Variants in NKAIN2 observed in about 807,000 individuals in gnomAD.
NKAIN2 encodes the protein sodium/potassium-transporting ATPase subunit beta-1-interacting protein 2.
In NKAIN2, 14 loss-of-function variants were observed where a neutral mutation model predicts 32.6. The ratio of observed to expected loss-of-function variants is 0.43; its 90% CI spans 0.28 to 0.67. The LOEUF is 0.67. Among genes scored for constraint, NKAIN2 ranks in the 30% least tolerant of loss-of-function variants. The pLI, the probability that NKAIN2 is intolerant of heterozygous loss-of-function variation, is 0.17. For synonymous variants in NKAIN2, 80 were observed against 87.2 expected (o/e 0.92, Z 0.46); for missense variants, 198 against 258.3 (o/e 0.77, Z 1.60).
intron 3 of NKAIN2, among the ~76,000 whole-genome samples, chr6:124,638,617 C>T (rs527280806): frequency 1.3e-5 from 2 of 152,006 alleles, no homozygotes; most frequent in African/African-American, 4.8e-5. Context: ...CAAAGAGGGC[C>T]GGGCGCGGTG....
chr6:124,524,262 A>G (rs561611093), intron 3 of NKAIN2, among the ~76,000 whole-genome samples: 1 of 152,304 alleles, frequency 6.6e-6, no homozygotes, highest in South Asian at 2.1e-4. Context: ...ATGTTATAGT[A>G]TGTTTATTGT....
chr6:124,293,091 C>T (rs1400778115), intron 2 of NKAIN2, among the ~76,000 whole-genome samples: 1 of 152,062 alleles, frequency 6.6e-6, no homozygotes, highest in Non-Finnish European at 1.5e-5. Context: ...TAGCAGTCTG[C>T]TTACTGTGTT....
intron 1 of NKAIN2, among the ~76,000 whole-genome samples, chr6:124,058,315 G>A (rs1263524127): frequency 6.6e-6 from 1 of 151,438 alleles, no homozygotes; most frequent in African/African-American, 2.4e-5. Flanking sequence ...AGAAAGAAAG[G>A]CTAAAAATAT....
At chr6:124,676,726 A>C (rs1773375413) in intron 4 of NKAIN2, among the ~76,000 whole-genome samples, 2 of 152,108 alleles carry the variant, frequency 1.3e-5, no homozygotes, top group Non-Finnish European at 2.9e-5. Context: ...AGTCTCCCAA[A>C]GTACTGGGAT....
intron 4 of NKAIN2, among the ~76,000 whole-genome samples, chr6:124,710,005 T>C (rs1217850488): frequency 6.6e-6 from 1 of 152,180 alleles, no homozygotes; most frequent in Non-Finnish European, 1.5e-5. Context: ...GCTTCAAATG[T>C]GTCCCAGAGA....
chr6:124,365,702 C>A (rs1799489180), intron 3 of NKAIN2, among the ~76,000 whole-genome samples: 1 of 151,780 alleles, frequency 6.6e-6, no homozygotes. Flanking sequence ...ATATAGAATA[C>A]ACTCCACCAA....
chr6:124,676,776 T>C (rs1025220995), intron 4 of NKAIN2, among the ~76,000 whole-genome samples: 5 of 152,128 alleles, frequency 3.3e-5, no homozygotes, highest in Non-Finnish European at 7.4e-5. Flanking sequence ...CTTGTGACAA[T>C]TTATTTAAAG....
In NKAIN2 at chr6:123,916,215, T is replaced by C. The variant is rs367964583; in HGVS notation, c.54+111961T>C. ...AGAATTTTAATGGAAATTTTGGGTA[T>C]AACTGGGGTGATTAGGGATGTTCTG... On this transcript the variant is annotated intron_variant, in intron 1 of 6. Transcript: ENST00000368417. 2.2e-4 allele frequency among the ~76,000 whole-genome samples: 34 copies of C among 152,260 alleles called. 2 individuals are homozygous for C. The South Asian group carries it at 6.8e-3, about 31-fold the overall frequency.
intron 1 of NKAIN2, among the ~76,000 whole-genome samples, chr6:124,059,807 CTTTG>C (rs900070334): frequency 1.3e-5 from 2 of 152,128 alleles, no homozygotes; most frequent in Admixed American, 6.6e-5. Flanking sequence ...TGTGACATCT[CTTTG>C]TTTTTTTCCT....
intron 2 of NKAIN2, among the ~76,000 whole-genome samples, chr6:124,339,924 T>C (rs1422598898): frequency 6.6e-6 from 1 of 152,186 alleles, no homozygotes; most frequent in Non-Finnish European, 1.5e-5. Context: ...ACCCTAATTT[T>C]TTAAAAACTG....
At chr6:124,409,565 G>A (rs934119257) in intron 3 of NKAIN2, among the ~76,000 whole-genome samples, 1 of 152,142 alleles carries the variant, frequency 6.6e-6, no homozygotes, top group East Asian at 1.9e-4. Context: ...TGGTGGATAA[G>A]CTTTTTGATG....
chr6:123,823,388 G>C (rs1307980317), intron 1 of NKAIN2: 1 of 152,212 alleles, frequency 6.6e-6, no homozygotes. Flanking sequence ...TAGTTTGACA[G>C]AGTGGTTGAG....
intron 1 of NKAIN2, among the ~76,000 whole-genome samples, chr6:123,824,694 C>A (rs2114897571): frequency 6.6e-6 from 1 of 151,376 alleles, no homozygotes; most frequent in African/African-American, 2.4e-5. Context: ...TGTAACAAAC[C>A]TACATGTTCT....
In NKAIN2 at chr6:123,834,501, A is replaced by G. The variant is rs114214979; in HGVS notation, c.54+30247A>G. The stretch of plus-strand genomic sequence containing the variant: ...ATTCTTCTATATTTTCTACATAGAC[A>G]ATCATGTCACCAGTGAAAAAGACTA... On this transcript the variant is annotated intron_variant, in intron 1 of 6. Coordinates refer to ENST00000368417, the MANE Select transcript of NKAIN2 (RefSeq NM_001040214.3). Among the ~76,000 whole-genome samples, 1,206 of 152,284 alleles carry G rather than the reference A, an allele frequency of 7.9e-3. 16 individuals carry two copies. Among genetic ancestry groups the G allele is most frequent in the African/African-American group, 0.026 (1,089 of 41,562 alleles).
intron 1 of NKAIN2, among the ~76,000 whole-genome samples, chr6:123,864,531 T>C: frequency 6.6e-6 from 1 of 152,208 alleles, no homozygotes; most frequent in East Asian, 1.9e-4. Flanking sequence ...GGCAAGAGGA[T>C]AGTTAGAGAT....
chr6:124,067,063 G>T (rs990415094), intron 1 of NKAIN2, among the ~76,000 whole-genome samples: 3 of 152,092 alleles, frequency 2.0e-5, no homozygotes, highest in African/African-American at 7.2e-5. Context: ...TTTTCCAAGA[G>T]CATCACATGG....
At chr6:124,626,290 T>TCAAA (rs901863745) in intron 3 of NKAIN2, among the ~76,000 whole-genome samples, 17 of 151,952 alleles carry the variant, frequency 1.1e-4, no homozygotes, top group African/African-American at 3.9e-4. Context: ...AAAGTCCTAT[T>TCAAA]CAAACAGCTT....
At chr6:124,102,631 C>G (rs922426116) in intron 1 of NKAIN2, among the ~76,000 whole-genome samples, 1 of 152,126 alleles carries the variant, frequency 6.6e-6, no homozygotes, top group African/African-American at 2.4e-5. Context: ...GTATGTGGCT[C>G]TGTGCACAGG....
chr6:124,394,223 C>A (rs1450526935), intron 3 of NKAIN2, among the ~76,000 whole-genome samples: 1 of 152,062 alleles, frequency 6.6e-6, no homozygotes, highest in Non-Finnish European at 1.5e-5. Context: ...AAAAATTGGG[C>A]TCCATGAGAT....
Sources: gnomAD v4.1 joint callset for allele counts (sites outside exome capture counted in the v4.1 genomes callset) on GRCh38, gnomAD v4.1.1 for gene constraint, MANE v1.5 for transcripts, NCBI Gene and HGNC (gene_info 2026-07-23, HGNC 2026-07-21) for gene names.